The following PANX2 variants were observed in gnomAD, a reference collection of about 807,000 sequenced individuals.
PANX2 encodes pannexin 2.
A neutral mutation model predicts 38.7 loss-of-function variants in PANX2; 30 were observed. The ratio of observed to expected loss-of-function variants is 0.78; its 90% CI spans 0.58 to 1.05. The LOEUF (loss-of-function observed/expected upper bound fraction) is 1.05, where lower values mean the gene tolerates loss of function less well. PANX2 is among the 50% of genes least tolerant of loss of function. The pLI, the probability that PANX2 is intolerant of heterozygous loss-of-function variation, is 0.00. For synonymous variants in PANX2, 539 were observed against 472.1 expected (o/e 1.14, Z -1.84); for missense variants, 880 against 979.3 (o/e 0.90, Z 1.35).
chr22:50,171,297 G>A (rs1407164455), intron 1 of PANX2, among the ~76,000 whole-genome samples: 1 of 152,206 alleles, frequency 6.6e-6, no homozygotes, highest in African/African-American at 2.4e-5. Context: ...GGGATGCAGG[G>A]TGGCCAGGTG....
chr22:50,173,618 G>T (rs1438463853), intron 1 of PANX2, among the ~76,000 whole-genome samples: 5 of 152,246 alleles, frequency 3.3e-5, no homozygotes, highest in Non-Finnish European at 7.3e-5. Context: ...TAGCAGGTGC[G>T]CAGCCACCGC....
intron 1 of PANX2, among the ~76,000 whole-genome samples, chr22:50,174,357 G>A (rs528185203): frequency 6.6e-6 from 1 of 152,182 alleles, no homozygotes; most frequent in African/African-American, 2.4e-5. Context: ...GGAGGGCCGG[G>A]GGGGCTGGGC....
In PANX2 at chr22:50,177,399, G is replaced by T; in HGVS notation, c.687G>T (p.Ala229=). ...RSNFLAKLYL[A]RHVLILLLSA... is the part of the protein sequence containing the mutation. ...ACTTCCTGGCCAAGCTGTACCTGGC[G>T]CGGCACGTGCTGATCCTGCTGCTGA... The change falls in exon 2 of 3, where the codon GCG becomes GCT. Residue 229 remains alanine (A), a synonymous_variant. Coordinates refer to ENST00000395842, the MANE Select transcript of PANX2 (RefSeq NM_052839.4). The T allele has an allele frequency of 6.2e-7, 1 of 1,609,142 alleles. No homozygotes were observed. The highest frequency in any genetic ancestry group is 8.5e-7 in the Non-Finnish European group (1 of 1,178,336).
rs9617114 is a variant in PANX2 at position 50,179,455 on chromosome 22, C to T, written c.*178C>T. Reference sequence around the variant, plus strand: ...GCCCCCACGTGCTCGACAGGGGAACCCGCCCGGACGGCATCGCCAGGCACT... The same window carrying T: ...GCCCCCACGTGCTCGACAGGGGAACTCGCCCGGACGGCATCGCCAGGCACT... On this transcript the variant is annotated 3_prime_UTR_variant, in exon 3 of 3. Coordinates refer to ENST00000395842, the MANE Select transcript of PANX2 (RefSeq NM_052839.4). The T allele has an allele frequency of 0.22, 132,337 of 608,410 alleles. 15,028 individuals are homozygous for T. Among genetic ancestry groups the T allele is most frequent in the East Asian group, 0.3 (9,983 of 33,052 alleles). The allele number at this position is 608,410 out of a possible 1,614,324, so 37.7% of individuals were successfully genotyped here.
chr22:50,178,915 T>G lies in PANX2; in HGVS notation c.1691-19T>G. 6.5e-7 allele frequency: 1 copy of G among 1,543,864 alleles called. No homozygotes were observed. Among genetic ancestry groups the G allele is most frequent in the Non-Finnish European group, 8.7e-7 (1 of 1,143,026 alleles). On this transcript the variant is annotated intron_variant, in intron 2 of 2. Coordinates refer to ENST00000395842, the MANE Select transcript of PANX2 (RefSeq NM_052839.4). ...AGCGGAGGATGGTGTGAGATGTCTGTGCTCTTGGCTGTTTGCAGATGCTCC... is the reference window on the plus strand; with the variant it reads ...AGCGGAGGATGGTGTGAGATGTCTGGGCTCTTGGCTGTTTGCAGATGCTCC...
At position 50,178,204 on chromosome 22, in the gene PANX2, G is replaced by GCCCCCCCCCCCCCCCC; in HGVS notation, c.1497_1498insCCCCCCCCCCCCCCCC (p.Ala500ProfsTer12). On this transcript the variant is annotated frameshift_variant, in exon 2 of 3. Transcript: ENST00000395842. LOFTEE classifies it high-confidence loss of function. ...CGACCCGGGCCCCGGCCCCGCCCCT[G>GCCCCCCCCCCCCCCCC]CCCCCGCCCCGCCGCCCGCCCCTGA... The GCCCCCCCCCCCCCCCC allele has an allele frequency of 7.6e-7, 1 of 1,319,956 alleles. No homozygotes were observed. Among genetic ancestry groups the GCCCCCCCCCCCCCCCC allele is most frequent in the South Asian group, 1.6e-5 (1 of 64,428 alleles). 81.8% of individuals were successfully genotyped at this position (1,319,956 alleles called of 1,614,324 possible).
rs1386240080 is a variant in PANX2, at chr22:50,178,345, G to A, written c.1633G>A (p.Gly545Ser). 2.0e-6 allele frequency: 3 copies of A among 1,497,300 alleles called. No homozygotes were observed. Among genetic ancestry groups the A allele is most frequent in the Middle Eastern group, 2.3e-4 (1 of 4,414 alleles). 92.8% of individuals were successfully genotyped at this position (1,497,300 alleles called of 1,614,324 possible). A position where few individuals can be genotyped will look rare whatever the true frequency, so the allele number is the denominator to read the frequency against. Residue 545 changes from glycine (G) to serine (S), a missense_variant, in exon 2 of 3, where the codon GGC becomes AGC. Physicochemically the swap from Gly to Ser is moderately conservative, Grantham distance 56 (BLOSUM62 0). Transcript: ENST00000395842. ...GCCCGCCTCCCGGAGCCAGGAGGGG[G>A]GCTTCCTGTCCCAGGCGGAGGACTG... The part of the protein sequence containing the change: ...ALPASRSQEG[G>S]FLSQAEDCGL...
chr22:50,173,275 C>T (rs1281684480), intron 1 of PANX2, among the ~76,000 whole-genome samples: 11 of 152,248 alleles, frequency 7.2e-5, no homozygotes, highest in South Asian at 6.2e-4. Context: ...TCAGGTGATC[C>T]GCCCGCCTCG....
At position 50,178,234 on chromosome 22, in the gene PANX2, A is replaced by G. The variant is rs2063675763; in HGVS notation, c.1522A>G (p.Lys508Glu). 29 of 1,492,306 alleles carry G rather than the reference A, an allele frequency of 1.9e-5. No homozygotes were observed. Among genetic ancestry groups the G allele is most frequent in the Non-Finnish European group, 2.6e-5 (29 of 1,128,992 alleles). 92.4% of individuals were successfully genotyped at this position (1,492,306 alleles called of 1,614,324 possible). The change falls in exon 2 of 3, where the codon AAG (lysine) becomes GAG (glutamate). Residue 508 changes from lysine (K) to glutamate (E), a missense_variant. By Grantham distance (56) the Lys-to-Glu change is moderately conservative. Coordinates refer to ENST00000395842, the MANE Select transcript of PANX2 (RefSeq NM_052839.4). ...APAPPPAPDK[K>E]HARHFSLDVH... ...CGCCCCGCCGCCCGCCCCTGACAAG[A>G]AGCACGCGCGCCACTTCTCCCTGGA...
intron 1 of PANX2, among the ~76,000 whole-genome samples, chr22:50,171,612 C>G (rs2147056835): frequency 6.6e-6 from 1 of 152,230 alleles, no homozygotes; most frequent in East Asian, 1.9e-4. Flanking sequence ...TAGATCAGGA[C>G]CTGTGGGGGC....
intron 2 of PANX2, 96 bp from the exon 3 acceptor site, chr22:50,178,838 G>T (rs2063680776): frequency 1.8e-6 from 2 of 1,136,814 alleles, no homozygotes; most frequent in African/African-American, 1.6e-5. Context: ...CTTCAGAGCC[G>T]TGAGCCCTGC....
At chr22:50,178,557 GA>G (rs922450089) in intron 2 of PANX2, among the ~76,000 whole-genome samples, 155 bp downstream of exon 2, 4 of 152,200 alleles carry the variant, frequency 2.6e-5, no homozygotes, top group African/African-American at 9.6e-5. Flanking sequence ...GCCGAGGTTT[GA>G]ACCGGCTCCA....
intron 1 of PANX2, among the ~76,000 whole-genome samples, chr22:50,173,587 G>T (rs2063646402): frequency 1.3e-5 from 2 of 152,250 alleles, no homozygotes; most frequent in African/African-American, 4.8e-5. Flanking sequence ...GCCCCCCTCA[G>T]CCTGCAGAGA....
chr22:50,172,454 CAG>C (rs1352136913), intron 1 of PANX2, among the ~76,000 whole-genome samples: 3 of 152,032 alleles, frequency 2.0e-5, no homozygotes, highest in African/African-American at 7.2e-5. Flanking sequence ...TTTTTTGAGA[CAG>C]AGTCTTGGTA....
chr22:50,170,941 A>G lies in PANX2; in HGVS notation c.211A>G (p.Thr71Ala). Residue 71 changes from threonine to alanine, a missense_variant, in exon 1 of 3, where the codon ACC (threonine) becomes GCC (alanine). Transcript: ENST00000395842. ...VPILLVTLVF[T>A]KNFAEEPIYC... ...CATCCTGCTGGTCACCCTGGTCTTC[A>G]CCAAGAACTTCGCAGGTGAGGCCGG... 1.3e-6 allele frequency: 2 copies of G among 1,511,886 alleles called. No individual in the cohort carries two copies. The highest frequency in any genetic ancestry group is 1.2e-5 in the South Asian group (1 of 80,564). 93.7% of individuals were successfully genotyped at this position (1,511,886 alleles called of 1,614,324 possible).
chr22:50,180,015 TGTG>T lies in PANX2; in HGVS notation c.*742_*744del, dbSNP rs1486516858. 1 of 152,468 alleles carries T rather than the reference TGTG, an allele frequency of 6.6e-6. No homozygotes were observed. Among genetic ancestry groups the T allele is most frequent in the Non-Finnish European group, 1.5e-5 (1 of 68,226 alleles). The allele number at this position is 152,468 out of a possible 1,614,324, so 9.4% of individuals were successfully genotyped here. A position where few individuals can be genotyped will look rare whatever the true frequency, so the allele number is the denominator to read the frequency against. On this transcript the variant is annotated 3_prime_UTR_variant, in exon 3 of 3. Transcript: ENST00000395842. ...CACGTGTGTGCGTGTGCACAGAGGGTGTGGTGCCAGCTTGAGTGGGAGTGTGTG... is the reference window on the plus strand; with the variant it reads ...CACGTGTGTGCGTGTGCACAGAGGGTGTGCCAGCTTGAGTGGGAGTGTGTG...
In PANX2 at chr22:50,179,380, CGCCCGCACT is replaced by C. The variant is rs1261088423; in HGVS notation, c.*106_*114del. Reference sequence around the variant, plus strand: ...CCCTGCGTGGACGTGGCCTGTGCTTCGCCCGCACTGCGCGCATCCCCAACCTCTGTCCGC... The same window carrying C: ...CCCTGCGTGGACGTGGCCTGTGCTTCGCGCGCATCCCCAACCTCTGTCCGC... On this transcript the variant is annotated 3_prime_UTR_variant, in exon 3 of 3. Coordinates refer to ENST00000395842, the MANE Select transcript of PANX2 (RefSeq NM_052839.4). The C allele has an allele frequency of 4.3e-5, 46 of 1,062,448 alleles. No homozygotes were observed. In the East Asian group the frequency reaches 1.0e-3, roughly 24 times the overall value. The allele number at this position is 1,062,448 out of a possible 1,614,324, so 65.8% of individuals were successfully genotyped here.
chr22:50,176,314 G>A (rs896163074), intron 1 of PANX2, among the ~76,000 whole-genome samples: 5 of 152,244 alleles, frequency 3.3e-5, no homozygotes, highest in Non-Finnish European at 7.3e-5. Context: ...GGCAGATACC[G>A]CAGTCCAGCT....
Position 50,177,114 on chromosome 22 carries a change from C to T in PANX2, c.402C>T (p.Ile134=). 6.2e-7 allele frequency: 1 copy of T among 1,610,040 alleles called. No individual in the cohort carries two copies. Among genetic ancestry groups the T allele is most frequent in the South Asian group, 1.1e-5 (1 of 90,604 alleles). The change falls in exon 2 of 3, where the codon ATC becomes ATT. Residue 134 remains isoleucine, a synonymous_variant. Transcript: ENST00000395842. The stretch of plus-strand genomic sequence containing the variant: ...ACGCGCTGCTGGCCTTCGCCGCCAT[C>T]ATGTACGTGCCCGCGCTGGGCTGGG... The part of the protein sequence containing the change: ...LPYALLAFAA[I]MYVPALGWEF...
Sources: allele counts gnomAD v4.1 joint callset (sites outside exome capture counted in the v4.1 genomes callset), GRCh38; gene constraint gnomAD v4.1.1; transcripts MANE v1.5; gene names NCBI Gene and HGNC (gene_info 2026-07-23, HGNC 2026-07-21).